The following ASB11 variants were observed in gnomAD, a reference collection of about 807,000 sequenced individuals.
The protein encoded by ASB11 is ankyrin repeat and SOCS box containing 11.
A neutral mutation model predicts 20.1 loss-of-function variants in ASB11; 17 were observed. The ratio of observed to expected loss-of-function variants is 0.85; its 90% CI spans 0.58 to 1.27. ASB11 has a LOEUF of 1.27. ASB11 is among the 50% of genes most tolerant of loss of function. The pLI is 0.00. For missense variants in ASB11, 259 were observed against 256.9 expected, an observed-to-expected ratio of 1.01 and a Z score of -0.06; for synonymous variants, 107 against 105.6, an observed-to-expected ratio of 1.01 and a Z score of -0.08.
intron 1 of ASB11, among the ~76,000 whole-genome samples, chrX:15,308,512 C>T (rs1323095002): frequency 5.4e-5 from 6 of 111,652 alleles, no homozygotes; most frequent in Middle Eastern, 4.6e-3. Context: ...AAATTCCAGG[C>T]TCCCCTCCTT....
At chrX:15,307,384 G>A (rs184171933) in intron 1 of ASB11, among the ~76,000 whole-genome samples, 109 of 112,440 alleles carry the variant, frequency 9.7e-4, no homozygotes, top group Middle Eastern at 9.2e-3. Flanking sequence ...CCACAGATGA[G>A]GGTGGGCAGG....
Position 15,309,893 on chromosome X carries a change from G to A in ASB11, c.181+5532C>T, listed in dbSNP as rs1020307422. Among the ~76,000 whole-genome samples the A allele has an allele frequency of 5.0e-5, 5 of 100,459 alleles. No individual in the cohort carries two copies. The East Asian group carries it at 1.2e-3, about 25-fold the overall frequency. The allele number at this position is 100,459 out of a possible 115,157, so 87.2% of individuals were successfully genotyped here. A position where few individuals can be genotyped will look rare whatever the true frequency, so the allele number is the denominator to read the frequency against. ...TGAGGCAGGAGAATGGTGTGAACCC[G>A]AGAGACGGAGCTCGCAGTGAGCCGA... On this transcript the variant is annotated intron_variant, in intron 1 of 6. Coordinates refer to ENST00000480796, the MANE Select transcript of ASB11 (RefSeq NM_080873.3).
chrX:15,313,817 C>T (rs796551191), intron 1 of ASB11, among the ~76,000 whole-genome samples: 6 of 110,654 alleles, frequency 5.4e-5, no homozygotes, highest in Non-Finnish European at 1.1e-4. Flanking sequence ...TTTGCGAGGC[C>T]GAGGCGGGCG....
At chrX:15,306,703 A>AAACAACAACAAC (rs767262827) in intron 1 of ASB11, among the ~76,000 whole-genome samples, 10 of 109,643 alleles carry the variant, frequency 9.1e-5, no homozygotes, top group African/African-American at 3.3e-4. Context: ...ACTTTGTCTC[A>AAACAACAACAAC]AACAACAACA....
intron 2 of ASB11, among the ~76,000 whole-genome samples, chrX:15,302,034 G>A (rs924542368): frequency 9.0e-6 from 1 of 111,146 alleles, no homozygotes; most frequent in Non-Finnish European, 1.9e-5. Context: ...ATGTCACTTC[G>A]GAGATGAGGT....
intron 1 of ASB11, among the ~76,000 whole-genome samples, chrX:15,312,188 G>A (rs1368181070): frequency 9.2e-6 from 1 of 108,891 alleles, no homozygotes; most frequent in Non-Finnish European, 1.9e-5. Context: ...TGGTGCTCTA[G>A]GCATAACACC....
Position 15,315,527 on chromosome X carries a change from A to C in ASB11, c.79T>G (p.Leu27Val). The change falls in exon 1 of 7, where the codon TTA becomes GTA. Residue 27 changes from leucine to valine, a missense_variant. Leu to Val is a conservative substitution (Grantham distance 32). Coordinates refer to ENST00000480796, the MANE Select transcript of ASB11 (RefSeq NM_080873.3). ...MFATFFFFKL[L>V]IKVFLALLTH... The stretch of plus-strand genomic sequence containing the variant: ...AGGAGAGCCAAAAAAACTTTAATTA[A>C]AAGCTTAAAGAAAAAAAACGTAGCA... 8.4e-7 allele frequency: 1 copy of C among 1,193,162 alleles called. No individual in the cohort carries two copies.
intron 6 of ASB11, among the ~76,000 whole-genome samples, chrX:15,285,140 CTTTTT>C (rs767822616): frequency 9.8e-5 from 8 of 81,537 alleles, no homozygotes; most frequent in Non-Finnish European, 1.4e-4. Flanking sequence ...TTTAATCTTT[CTTTTT>C]TTTTTTTTTT....
chrX:15,293,058 T>C (rs1413135008), intron 4 of ASB11, 112 bp downstream of exon 4: 1 of 974,384 alleles, frequency 1.0e-6, no homozygotes, highest in Non-Finnish European at 1.4e-6. Context: ...ACACATATTC[T>C]AATGGTGAGG....
Position 15,286,152 on chromosome X carries a change from T to A in ASB11, c.847+1729A>T, listed in dbSNP as rs1481178701. Among the ~76,000 whole-genome samples the A allele has an allele frequency of 2.7e-5, 3 of 111,518 alleles. No individual in the cohort carries two copies. The East Asian group carries it at 8.4e-4, about 31-fold the overall frequency. ...CCATCCTAGACCTCCTGAATGAGAA[T>A]CTGTATTTTAAGGAAATCCTCAAGT... On this transcript the variant is annotated intron_variant, in intron 6 of 6. Coordinates refer to ENST00000480796, the MANE Select transcript of ASB11 (RefSeq NM_080873.3).
At chrX:15,283,650 G>A in intron 6 of ASB11, 21 bp from the exon 7 acceptor site, 1 of 1,202,606 alleles carries the variant, frequency 8.3e-7, no homozygotes, top group Non-Finnish European at 1.1e-6. Context: ...AATAAAAATG[G>A]TGTTAACTTC....
intron 1 of ASB11, among the ~76,000 whole-genome samples, chrX:15,307,854 A>T (rs971900769): frequency 8.9e-6 from 1 of 112,185 alleles, no homozygotes; most frequent in Non-Finnish European, 1.9e-5. Context: ...GGATTTGTGC[A>T]TGTCTCTGTA....
At chrX:15,285,463 G>A (rs1029161358) in intron 6 of ASB11, among the ~76,000 whole-genome samples, 2 of 110,382 alleles carry the variant, frequency 1.8e-5, no homozygotes, top group South Asian at 7.7e-4. Flanking sequence ...TAGAGCAAGT[G>A]GCTATATTTA....
At chrX:15,309,212 C>T (rs967916380) in intron 1 of ASB11, among the ~76,000 whole-genome samples, 2 of 110,842 alleles carry the variant, frequency 1.8e-5, no homozygotes, top group East Asian at 2.8e-4. Context: ...CCACTGTGCC[C>T]GGATGCTTCT....
intron 1 of ASB11, among the ~76,000 whole-genome samples, chrX:15,310,275 G>A (rs947523262): frequency 8.9e-6 from 1 of 111,828 alleles, no homozygotes; most frequent in African/African-American, 3.2e-5. Context: ...CCTTCAGGAA[G>A]TATGCAACTG....
At chrX:15,301,154 G>A (rs1045354309) in intron 2 of ASB11, among the ~76,000 whole-genome samples, 1 of 110,731 alleles carries the variant, frequency 9.0e-6, no homozygotes. Flanking sequence ...GTACAGATGG[G>A]GTTTCACCAT....
At chrX:15,305,244 C>A (rs1307852995) in intron 1 of ASB11, among the ~76,000 whole-genome samples, 2 of 111,740 alleles carry the variant, frequency 1.8e-5, no homozygotes, top group African/African-American at 6.5e-5. Flanking sequence ...ACATCATGTG[C>A]CATAAGAAGA....
At chrX:15,300,390 T>C (rs1921026814) in intron 2 of ASB11, among the ~76,000 whole-genome samples, 2 of 112,863 alleles carry the variant, frequency 1.8e-5, no homozygotes, top group African/African-American at 6.4e-5. Flanking sequence ...ATTAGCTTAA[T>C]GTTTTACTCA....
At position 15,283,414 on chromosome X, in the gene ASB11, G is replaced by T. The variant is rs1367750630; in HGVS notation, c.*91C>A. ...CTGAGCTCATTTAAAGATACTAGGA[G>T]TCTAAGCTGTTGAGCTTCTACATTA... On this transcript the variant is annotated 3_prime_UTR_variant, in exon 7 of 7. Coordinates refer to ENST00000480796, the MANE Select transcript of ASB11 (RefSeq NM_080873.3). 1.8e-6 allele frequency: 2 copies of T among 1,102,103 alleles called. No individual in the cohort carries two copies. The highest frequency in any genetic ancestry group is 3.6e-5 in the African/African-American group (2 of 54,808). 90.8% of individuals were successfully genotyped at this position (1,102,103 alleles called of 1,213,427 possible). A position where few individuals can be genotyped will look rare whatever the true frequency, so the allele number is the denominator to read the frequency against.
Sources: gnomAD v4.1 joint callset for allele counts (sites outside exome capture counted in the v4.1 genomes callset) on GRCh38, gnomAD v4.1.1 for gene constraint, MANE v1.5 for transcripts, NCBI Gene and HGNC (gene_info 2026-07-23, HGNC 2026-07-21) for gene names.